MMEL1: variants seen among roughly 807,000 people sequenced by gnomAD.
MMEL1 encodes the protein membrane metallo-endopeptidase-like 1.
Under a neutral mutation model 117.1 loss-of-function variants are expected in MMEL1, and 98 were observed. The observed-to-expected ratio is 0.84, with a 90% CI of 0.71 to 0.99. The LOEUF is 0.99. Ranked by LOEUF, MMEL1 falls within the 50% of genes least tolerant of loss-of-function variation. The pLI, the probability that MMEL1 is intolerant of heterozygous loss-of-function variation, is 0.00. For synonymous variants in MMEL1, 390 were observed against 415.1 expected (o/e 0.94, Z 0.74); for missense variants, 1,014 against 1,049.1 (o/e 0.97, Z 0.46).
chr1:2,607,153 G>T, intron 6 of MMEL1, 84 bp from the exon 7 acceptor site: 1 of 1,195,884 alleles, frequency 8.4e-7, no homozygotes, highest in Non-Finnish European at 1.2e-6. Context: ...GCCGTTGGCC[G>T]GCGTCACAGG....
At chr1:2,628,761 T>C (rs946583029) in intron 2 of MMEL1, among the ~76,000 whole-genome samples, 3 of 151,930 alleles carry the variant, frequency 2.0e-5, no homozygotes, top group Non-Finnish European at 4.4e-5. Context: ...CGAGCAGCCC[T>C]GGCCACGCCT....
In MMEL1 at chr1:2,609,587, C is replaced by T. The variant is rs1044929976; in HGVS notation, c.454+83G>A. On this transcript the variant is annotated intron_variant, in intron 5 of 23. Transcript: ENST00000378412. Reference sequence around the variant, plus strand: ...ACCAAGGAGGAAGCACAAACAGGGGCGAGACACAGCCAGGACCAACTCCTG... The same window carrying T: ...ACCAAGGAGGAAGCACAAACAGGGGTGAGACACAGCCAGGACCAACTCCTG... 12 of 1,547,854 alleles carry T rather than the reference C, an allele frequency of 7.8e-6. No homozygotes were observed. In the East Asian group the frequency reaches 1.6e-4, roughly 20 times the overall value.
At chr1:2,594,054 C>T in intron 18 of MMEL1, 121 bp from the exon 19 acceptor site, 1 of 1,309,186 alleles carries the variant, frequency 7.6e-7, no homozygotes, top group Non-Finnish European at 1.0e-6. Context: ...AGGCAGAGGT[C>T]AGGATTCCCT....
chr1:2,612,306 G>T lies in MMEL1; in HGVS notation c.155-102C>A, dbSNP rs1645143562. Reference sequence around the variant, plus strand: ...GCACGCCATCTTCCCACAGTGCTGGGTGCTGCAGCCCTACCCCTGTAGTGA... The same window carrying T: ...GCACGCCATCTTCCCACAGTGCTGGTTGCTGCAGCCCTACCCCTGTAGTGA... On this transcript the variant is annotated intron_variant, in intron 2 of 23. Coordinates refer to ENST00000378412, the MANE Select transcript of MMEL1 (RefSeq NM_033467.4). This position sits in a 1 kb window ranked among gnomAD's most constrained non-coding sequence, Gnocchi z 5.4. 1.2e-5 allele frequency: 12 copies of T among 965,496 alleles called. No homozygotes were observed. In the South Asian group the frequency reaches 1.4e-4, roughly 12 times the overall value. The allele number at this position is 965,496 out of a possible 1,614,324, so 59.8% of individuals were successfully genotyped here.
intron 2 of MMEL1, among the ~76,000 whole-genome samples, chr1:2,622,111 G>A (rs865784004): frequency 3.3e-4 from 48 of 146,474 alleles, no homozygotes; most frequent in African/African-American, 2.6e-5. Flanking sequence ...ACTAGGAGGA[G>A]AAAATATGTT....
At chr1:2,598,133 CTACA>C in intron 13 of MMEL1, 70 bp downstream of exon 13, 1 of 1,421,976 alleles carries the variant, frequency 7.0e-7, no homozygotes, top group African/African-American at 1.4e-5. Context: ...CGGTGTTTGC[CTACA>C]GCTTATGCTC....
At chr1:2,621,572 A>ATTTTTTTTTTTTTT (rs76715186) in intron 2 of MMEL1, among the ~76,000 whole-genome samples, 2 of 145,850 alleles carry the variant, frequency 1.4e-5, no homozygotes, top group Non-Finnish European at 3.0e-5. Flanking sequence ...ACCAATGCAC[A>ATTTTTTTTTTTTTT]TTTTTTTTTT....
At chr1:2,618,806 G>C (rs565699700) in intron 2 of MMEL1, among the ~76,000 whole-genome samples, 1 of 152,220 alleles carries the variant, frequency 6.6e-6, no homozygotes, top group African/African-American at 2.4e-5. Context: ...TTTTAAAAAA[G>C]AAAATCTTAC....
At chr1:2,592,099 G>T in intron 21 of MMEL1, 72 bp from the exon 22 acceptor site, 1 of 1,324,568 alleles carries the variant, frequency 7.5e-7, no homozygotes, top group Non-Finnish European at 1.1e-6. Flanking sequence ...TCTCAGGGCA[G>T]AGCAGAGGTC....
At position 2,606,506 on chromosome 1, in the gene MMEL1, G is replaced by C. The variant is rs539240972; in HGVS notation, c.632-140C>G. The stretch of plus-strand genomic sequence containing the variant: ...CTCACCTGTGCGCCTTAGGGGCTGG[G>C]GGATGTGGGAGACACTTTCCCTAAC... On this transcript the variant is annotated intron_variant, in intron 7 of 23. Coordinates refer to ENST00000378412, the MANE Select transcript of MMEL1 (RefSeq NM_033467.4). The C allele has an allele frequency of 4.8e-4, 308 of 635,918 alleles. 5 individuals carry two copies. The South Asian group carries it at 5.7e-3, about 12-fold the overall frequency. 39.4% of individuals were successfully genotyped at this position (635,918 alleles called of 1,614,324 possible). A position where few individuals can be genotyped will look rare whatever the true frequency, so the allele number is the denominator to read the frequency against.
intron 13 of MMEL1, among the ~76,000 whole-genome samples, chr1:2,597,717 G>A (rs893575641): frequency 6.6e-6 from 1 of 152,158 alleles, no homozygotes; most frequent in Non-Finnish European, 1.5e-5. Context: ...ATATCTGACC[G>A]CGTCTCTGCT....
chr1:2,591,347 G>A (rs954388068), intron 23 of MMEL1: 30 of 601,182 alleles, frequency 5.0e-5, no homozygotes, highest in Admixed American at 8.9e-5. Context: ...CGCAGCCTGC[G>A]GTAGGCTCCC....
At chr1:2,615,284 G>A (rs540522889) in intron 2 of MMEL1, among the ~76,000 whole-genome samples, 2 of 152,280 alleles carry the variant, frequency 1.3e-5, no homozygotes, top group South Asian at 2.1e-4. Flanking sequence ...AGGCAATTAA[G>A]GTTAACATCA....
intron 2 of MMEL1, among the ~76,000 whole-genome samples, chr1:2,625,386 A>G (rs1638230910): frequency 6.6e-6 from 1 of 152,210 alleles, no homozygotes; most frequent in Admixed American, 6.5e-5. Context: ...AGCGGGGTCC[A>G]GAACAGGAGC....
rs373578113 is a variant in MMEL1, at chr1:2,595,298, C to T, written c.1562G>A (p.Arg521His). ...PDYILEEMNRRLDEEYSNLNF... is the reference protein window; with the variant it reads ...PDYILEEMNRHLDEEYSNLNF... ...CACATTGGAGTACTCCTCGTCCAGG[C>T]GCCTGTTCATCTCCTCCAGGATGTA... is the stretch of plus-strand genomic sequence containing the variant. Residue 521 changes from arginine to histidine, a missense_variant, in exon 16 of 24, where the codon CGC (arginine) becomes CAC (histidine). Coordinates refer to ENST00000378412, the MANE Select transcript of MMEL1 (RefSeq NM_033467.4). This position sits in a 1 kb window ranked among gnomAD's most constrained non-coding sequence, Gnocchi z 4.8. The T allele has an allele frequency of 6.5e-5, 105 of 1,613,618 alleles. No homozygotes were observed. Among genetic ancestry groups the T allele is most frequent in the South Asian group, 2.7e-4 (25 of 91,084 alleles).
In MMEL1 at chr1:2,595,881, C is replaced by T. The variant is rs576169865; in HGVS notation, c.1500+128G>A. The T allele has an allele frequency of 5.6e-4, 402 of 717,166 alleles. No individual in the cohort carries two copies. Among genetic ancestry groups the T allele is most frequent in the African/African-American group, 8.7e-4 (49 of 56,634 alleles). 44.4% of individuals were successfully genotyped at this position (717,166 alleles called of 1,614,324 possible). A position where few individuals can be genotyped will look rare whatever the true frequency, so the allele number is the denominator to read the frequency against. On this transcript the variant is annotated intron_variant, in intron 15 of 23. Transcript: ENST00000378412. The surrounding 1 kb of genome is among the most constrained non-coding windows in gnomAD (Gnocchi z 4.8). ...GCGCCTCCCGGGGCTGCCTTCTCCCCGTGGGGTCCTGTCTGCGCCTCCCGG... is the reference window on the plus strand; with the variant it reads ...GCGCCTCCCGGGGCTGCCTTCTCCCTGTGGGGTCCTGTCTGCGCCTCCCGG...
chr1:2,594,402 G>T lies in MMEL1; in HGVS notation c.1730C>A (p.Pro577Gln), dbSNP rs776345149. 1 of 1,551,774 alleles carries T rather than the reference G, an allele frequency of 6.4e-7. No individual in the cohort carries two copies. Among genetic ancestry groups the T allele is most frequent in the East Asian group, 2.4e-5 (1 of 41,046 alleles). Reference sequence around the variant, plus strand: ...GAACTTACCAATCTGGTTTCGGTTTGGGGAGTAGAACGCATTGACCACCGC... The same window carrying T: ...GAACTTACCAATCTGGTTTCGGTTTTGGGAGTAGAACGCATTGACCACCGC... ...GAAVVNAFYSPNRNQIVFPAG... is the reference protein window; with the variant it reads ...GAAVVNAFYSQNRNQIVFPAG... The change falls in exon 18 of 24, where the codon CCA becomes CAA. Residue 577 changes from proline to glutamine, a missense_variant. Transcript: ENST00000378412.
At chr1:2,617,699 G>A (rs2100957210) in intron 2 of MMEL1, among the ~76,000 whole-genome samples, 1 of 152,284 alleles carries the variant, frequency 6.6e-6, no homozygotes, top group South Asian at 2.1e-4. Context: ...TTGGGGGAGT[G>A]GCAGGGCATG....
In MMEL1 at chr1:2,609,325, C is replaced by A. The variant is rs763280951; in HGVS notation, c.535+14G>T. The A allele has an allele frequency of 7.5e-6, 12 of 1,606,424 alleles. No homozygotes were observed. In the Admixed American group the frequency reaches 1.2e-4, roughly 16 times the overall value. Reference sequence around the variant, plus strand: ...GTCCCCTGCCTCGGCCCCTTCCTGGCGGCCCCCACTCACTCTGGTTCATGC... The same window carrying A: ...GTCCCCTGCCTCGGCCCCTTCCTGGAGGCCCCCACTCACTCTGGTTCATGC... On this transcript the variant is annotated intron_variant, in intron 6 of 23. Transcript: ENST00000378412.
Sources: gnomAD v4.1 joint callset for allele counts (sites outside exome capture counted in the v4.1 genomes callset) on GRCh38, gnomAD v4.1.1 for gene constraint, Gnocchi (gnomAD v3.1) non-coding constraint, MANE v1.5 for transcripts, NCBI Gene and HGNC (gene_info 2026-07-23, HGNC 2026-07-21) for gene names.